Variants in TMPRSS11D observed in about 807,000 individuals in gnomAD.
TMPRSS11D encodes the protein transmembrane protease serine 11D.
A neutral mutation model predicts 44.4 loss-of-function variants in TMPRSS11D; 32 were observed. The ratio of observed to expected loss-of-function variants is 0.72; its 90% CI spans 0.54 to 0.97. The LOEUF is 0.97. TMPRSS11D is among the 50% of genes least tolerant of loss of function. TMPRSS11D has a pLI of 0.00. For missense variants in TMPRSS11D, 446 were observed against 502.6 expected, an observed-to-expected ratio of 0.89 and a Z score of 1.08; for synonymous variants, 179 against 177.9, an observed-to-expected ratio of 1.01 and a Z score of -0.05.
At chr4:67,823,948 A>G (rs1341570399) in intron 9 of TMPRSS11D, among the ~76,000 whole-genome samples, 2 of 152,126 alleles carry the variant, frequency 1.3e-5, no homozygotes, top group African/African-American at 4.8e-5. Flanking sequence ...TTGACTACAG[A>G]CATTTGAATT....
intron 1 of TMPRSS11D, among the ~76,000 whole-genome samples, chr4:67,869,798 C>A (rs1183205009): frequency 6.6e-6 from 1 of 152,186 alleles, no homozygotes; most frequent in Non-Finnish European, 1.5e-5. Context: ...ATTAAGCCAT[C>A]AATCAGTAGC....
Position 67,838,326 on chromosome 4 carries a change from T to G in TMPRSS11D, c.321A>C (p.Gln107His), listed in dbSNP as rs1718151068. The G allele has an allele frequency of 6.4e-7, 1 of 1,555,862 alleles. No homozygotes were observed. The highest frequency in any genetic ancestry group is 8.6e-7 in the Non-Finnish European group (1 of 1,156,282). The change falls in exon 5 of 10, where the codon CAA (glutamine) becomes CAC (histidine). Residue 107 changes from glutamine (Q) to histidine (H), a missense_variant. By Grantham distance (24) the Gln-to-His change is conservative (BLOSUM62 0). Coordinates refer to ENST00000283916, the MANE Select transcript of TMPRSS11D (RefSeq NM_004262.3). ...FIRAHVAKLR[Q>H]DGSGVRADVV... ...CATCCGCTCTCACACCACTACCATC[T>G]TGCCTGTAAATCATAAAGATATTTT...
intron 1 of TMPRSS11D, among the ~76,000 whole-genome samples, chr4:67,880,928 A>ACT (rs1719306124): frequency 6.6e-6 from 1 of 152,182 alleles, no homozygotes; most frequent in Non-Finnish European, 1.5e-5. Context: ...CTGCTGAATG[A>ACT]CTCATCAGTA....
At chr4:67,822,637 T>C in intron 9 of TMPRSS11D, 139 bp from the exon 10 acceptor site, 2 of 922,638 alleles carry the variant, frequency 2.2e-6, no homozygotes, top group South Asian at 2.0e-5. Flanking sequence ...TGAAATATTA[T>C]ACCAAGTCAT....
intron 3 of TMPRSS11D, among the ~76,000 whole-genome samples, chr4:67,852,470 TAGAGAC>T (rs1718532091): frequency 6.6e-6 from 1 of 152,194 alleles, no homozygotes; most frequent in Non-Finnish European, 1.5e-5. Flanking sequence ...TAGGTTATGC[TAGAGAC>T]CATACTTCGA....
chr4:67,850,122 A>G (rs1035143026), intron 3 of TMPRSS11D, among the ~76,000 whole-genome samples: 1 of 152,236 alleles, frequency 6.6e-6, no homozygotes, highest in African/African-American at 2.4e-5. Flanking sequence ...CTACTGCTGC[A>G]AGCAAAGATT....
chr4:67,828,966 A>G (rs1412008443), intron 7 of TMPRSS11D, among the ~76,000 whole-genome samples: 1 of 152,110 alleles, frequency 6.6e-6, no homozygotes, highest in African/African-American at 2.4e-5. Context: ...AGTGTCCAGG[A>G]AAGCTCCACC....
At chr4:67,844,682 G>A (rs1718317433) in intron 3 of TMPRSS11D, among the ~76,000 whole-genome samples, 1 of 151,962 alleles carries the variant, frequency 6.6e-6, no homozygotes, top group Admixed American at 6.6e-5. Context: ...AAGAGGCTGG[G>A]GCAGGAGAAT....
chr4:67,837,232 TA>T (rs1289394216), intron 5 of TMPRSS11D, among the ~76,000 whole-genome samples: 1 of 152,094 alleles, frequency 6.6e-6, no homozygotes. Context: ...GAAGCAGAGG[TA>T]ATATTCAACT....
intron 3 of TMPRSS11D, among the ~76,000 whole-genome samples, chr4:67,846,594 A>T (rs919079972): frequency 1.3e-5 from 2 of 152,182 alleles, no homozygotes; most frequent in Non-Finnish European, 2.9e-5. Context: ...CTCACTCATC[A>T]TGCAAATTTT....
Position 67,854,132 on chromosome 4 carries a change from T to C in TMPRSS11D, c.185A>G (p.Asn62Ser), listed in dbSNP as rs768759334. Residue 62 changes from asparagine to serine, a missense_variant, in exon 3 of 10, where the codon AAT becomes AGT. By Grantham distance (46) the Asn-to-Ser change is conservative. Transcript: ENST00000283916. The stretch of plus-strand genomic sequence containing the variant: ...TGTAGCTGGTGAATTTAACTGACTA[T>C]TATATTCAACATTTAGGAGTTGAAA... ...SSFQLLNVEY[N>S]SQLNSPATQE... is the part of the protein sequence containing the mutation. 2.1e-5 allele frequency: 34 copies of C among 1,600,602 alleles called. No homozygotes were observed. The highest frequency in any genetic ancestry group is 2.7e-5 in the Non-Finnish European group (32 of 1,175,152).
chr4:67,882,773 C>T (rs972270452), intron 1 of TMPRSS11D, among the ~76,000 whole-genome samples: 4 of 151,832 alleles, frequency 2.6e-5, no homozygotes, highest in African/African-American at 4.8e-5. Flanking sequence ...GTATAACAAA[C>T]CTGATTAATG....
rs1319965651 is a variant in TMPRSS11D at position 67,827,201 on chromosome 4, A to C, written c.952+60T>G. On this transcript the variant is annotated intron_variant, in intron 8 of 9. Transcript: ENST00000283916. ...TTCCAGATGTTTCCTAATTTAAAAA[A>C]TTACCTAATAGCAAATATAAGACAT... The C allele has an allele frequency of 2.0e-6, 3 of 1,528,668 alleles. No homozygotes were observed. The African/African-American group carries it at 4.2e-5, about 21-fold the overall frequency. The allele number at this position is 1,528,668 out of a possible 1,614,324, so 94.7% of individuals were successfully genotyped here. A position where few individuals can be genotyped will look rare whatever the true frequency, so the allele number is the denominator to read the frequency against.
At chr4:67,863,781 A>T (rs1408378241) in intron 1 of TMPRSS11D, among the ~76,000 whole-genome samples, 7 of 152,120 alleles carry the variant, frequency 4.6e-5, no homozygotes, top group African/African-American at 7.2e-5. Flanking sequence ...TTGATTTTTT[A>T]AAATAAAATA....
At chr4:67,833,704 A>C (rs1191451546) in intron 6 of TMPRSS11D, 1 of 189,580 alleles carries the variant, frequency 5.3e-6, no homozygotes, top group African/African-American at 2.3e-5. Flanking sequence ...CAGGCCACAG[A>C]CTCCTGGGAA....
intron 2 of TMPRSS11D, among the ~76,000 whole-genome samples, chr4:67,856,805 A>G (rs1159667805): frequency 6.6e-6 from 1 of 152,164 alleles, no homozygotes; most frequent in Non-Finnish European, 1.5e-5. Flanking sequence ...TAAAAATTCC[A>G]TTAAGGAGTG....
chr4:67,825,710 G>T (rs566086546), intron 9 of TMPRSS11D, 22 bp downstream of exon 9: 3 of 1,611,148 alleles, frequency 1.9e-6, no homozygotes, highest in South Asian at 2.2e-5. Context: ...TGATGACATG[G>T]ATGAGATTGT....
At chr4:67,875,966 G>A (rs1719180625) in intron 1 of TMPRSS11D, among the ~76,000 whole-genome samples, 1 of 152,188 alleles carries the variant, frequency 6.6e-6, no homozygotes, top group African/African-American at 2.4e-5. Flanking sequence ...TGTCTACCTT[G>A]TGAATCTTGC....
rs1717992364 is a variant in TMPRSS11D at position 67,833,261 on chromosome 4, C to T, written c.635G>A (p.Cys212Tyr). ...VSLRLNNAHH[C>Y]GGSLINNMWI... is the part of the protein sequence containing the mutation. The stretch of plus-strand genomic sequence containing the variant: ...CATGTTATTGATCAGGCTGCCTCCA[C>T]AGTGGTGGGCATTATTGAGCCGCAG... Residue 212 changes from cysteine (C) to tyrosine (Y), a missense_variant, in exon 7 of 10, where the codon TGT becomes TAT. By Grantham distance (194) the Cys-to-Tyr change is radical. Transcript: ENST00000283916. 6.3e-7 allele frequency: 1 copy of T among 1,590,974 alleles called. No homozygotes were observed. Among genetic ancestry groups the T allele is most frequent in the Non-Finnish European group, 8.6e-7 (1 of 1,169,564 alleles).
Sources: gnomAD v4.1 joint callset for allele counts (sites outside exome capture counted in the v4.1 genomes callset) on GRCh38, gnomAD v4.1.1 for gene constraint, MANE v1.5 for transcripts, NCBI Gene and HGNC (gene_info 2026-07-23, HGNC 2026-07-21) for gene names.